The following ALOX5AP variants were observed in gnomAD, a reference collection of about 807,000 sequenced individuals.
ALOX5AP encodes arachidonate 5-lipoxygenase-activating protein.
In ALOX5AP, 9 loss-of-function variants were observed where a neutral mutation model predicts 18.5. The observed-to-expected ratio is 0.49, with a 90% CI of 0.29 to 0.85. ALOX5AP has a LOEUF of 0.85. Ranked by LOEUF, ALOX5AP falls within the 40% of genes least tolerant of loss-of-function variation. The pLI, the probability that ALOX5AP is intolerant of heterozygous loss-of-function variation, is 0.08. For missense variants in ALOX5AP, 172 were observed against 202.5 expected, an observed-to-expected ratio of 0.85 and a Z score of 0.91; for synonymous variants, 81 against 78.6, an observed-to-expected ratio of 1.03 and a Z score of -0.16.
chr13:30,736,754 T>C (rs1951725167), intron 1 of ALOX5AP, among the ~76,000 whole-genome samples: 1 of 152,236 alleles, frequency 6.6e-6, no homozygotes, highest in Admixed American at 6.5e-5. Flanking sequence ...AGAACTACAC[T>C]TTGTGGCTTT....
At chr13:30,762,047 A>G (rs992686143) in intron 4 of ALOX5AP, among the ~76,000 whole-genome samples, 1 of 152,198 alleles carries the variant, frequency 6.6e-6, no homozygotes, top group Admixed American at 6.5e-5. Flanking sequence ...GAAAACAGGG[A>G]GAGAATGAAG....
exon 1 of ALOX5AP, chr13:30,713,741 C>G: frequency 6.5e-7 from 1 of 1,533,614 alleles, no homozygotes; most frequent in South Asian, 1.2e-5. Context: ...CACATTTAAT[C>G]ACGATGCTCC....
At chr13:30,733,678 C>T (rs573508062), upstream of ALOX5AP, among the ~76,000 whole-genome samples, 36 of 152,284 alleles carry the variant, frequency 2.4e-4, no homozygotes, top group African/African-American at 6.5e-4. Flanking sequence ...CTGGAATCAG[C>T]GGACTAAGTA....
intron 4 of ALOX5AP, among the ~76,000 whole-genome samples, chr13:30,763,433 C>T (rs1951961258): frequency 6.6e-6 from 1 of 152,238 alleles, no homozygotes; most frequent in Non-Finnish European, 1.5e-5. Context: ...TGAATTATTC[C>T]AGTCAGCCTC....
At chr13:30,754,170 C>T (rs1341933580) in intron 3 of ALOX5AP, among the ~76,000 whole-genome samples, 2 of 152,128 alleles carry the variant, frequency 1.3e-5, no homozygotes, top group Non-Finnish European at 1.5e-5. Context: ...ACCTGGGAGG[C>T]GGAGGTTGCG....
At chr13:30,743,903 G>A (rs1951787322) in intron 1 of ALOX5AP, among the ~76,000 whole-genome samples, 157 bp from the exon 2 acceptor site, 1 of 152,194 alleles carries the variant, frequency 6.6e-6, no homozygotes, top group Non-Finnish European at 1.5e-5. Flanking sequence ...GAGAGCAGCT[G>A]CTGAGTACGT....
chr13:30,749,921 G>A (rs1348247834), intron 2 of ALOX5AP, among the ~76,000 whole-genome samples: 1 of 152,158 alleles, frequency 6.6e-6, no homozygotes. Flanking sequence ...CAAGTTCTCA[G>A]TGGTACCACT....
At chr13:30,720,856 A>G (rs535844552) in intron 1 of ALOX5AP, among the ~76,000 whole-genome samples, 11 of 152,188 alleles carry the variant, frequency 7.2e-5, no homozygotes, top group South Asian at 6.2e-4. Context: ...GCTCATCCCT[A>G]AGAGAATGGG....
chr13:30,756,872 C>A (rs1951900563), intron 4 of ALOX5AP, among the ~76,000 whole-genome samples: 1 of 147,650 alleles, frequency 6.8e-6, no homozygotes, highest in African/African-American at 2.5e-5. Flanking sequence ...AACTGACTAG[C>A]ATCACCATTG....
exon 1 of ALOX5AP, chr13:30,713,690 C>T: frequency 7.2e-7 from 1 of 1,398,140 alleles, no homozygotes; most frequent in Non-Finnish European, 9.8e-7. Context: ...ACTGACTTCA[C>T]TGTGAACCAG....
Position 30,735,546 on chromosome 13 carries a change from T to G in ALOX5AP, c.-60T>G. 6.2e-7 allele frequency: 1 copy of G among 1,609,112 alleles called. No individual in the cohort carries two copies. Among genetic ancestry groups the G allele is most frequent in the Non-Finnish European group, 8.5e-7 (1 of 1,177,606 alleles). Reference sequence around the variant, plus strand: ...TGCAAGCTCTCACTTCCCCTTCCTGTACAGGGCAGGTTGTGCAGCTGGAGG... The same window carrying G: ...TGCAAGCTCTCACTTCCCCTTCCTGGACAGGGCAGGTTGTGCAGCTGGAGG... On this transcript the variant is annotated 5_prime_UTR_variant, in exon 1 of 5. Transcript: ENST00000380490.
At chr13:30,734,314 C>CG (rs538146172), upstream of ALOX5AP, among the ~76,000 whole-genome samples, 766 of 152,184 alleles carry the variant, frequency 5.0e-3, 4 homozygotes, top group African/African-American at 0.018. Flanking sequence ...GGCATTGAAG[C>CG]GGGCCTCTGG....
chr13:30,730,825 C>T (rs1279676083), upstream of ALOX5AP, among the ~76,000 whole-genome samples: 1 of 152,090 alleles, frequency 6.6e-6, no homozygotes, highest in Admixed American at 6.6e-5. Context: ...TTGTTGCCCC[C>T]CTGAGTCACT....
intron 1 of ALOX5AP, among the ~76,000 whole-genome samples, chr13:30,739,591 C>T (rs781605901): frequency 1.1e-4 from 17 of 152,180 alleles, no homozygotes; most frequent in Non-Finnish European, 1.8e-4. Flanking sequence ...TGTGCCACCA[C>T]GCCCAGCTAA....
At chr13:30,749,247 C>A (rs1951833007) in intron 2 of ALOX5AP, among the ~76,000 whole-genome samples, 1 of 152,182 alleles carries the variant, frequency 6.6e-6, no homozygotes, top group African/African-American at 2.4e-5. Flanking sequence ...ATGAGCAAAT[C>A]CCTTAGACAA....
intron 1 of ALOX5AP, among the ~76,000 whole-genome samples, chr13:30,722,418 AT>A (rs201411242): frequency 2.0e-4 from 31 of 151,562 alleles, no homozygotes; most frequent in Admixed American, 9.2e-4. Flanking sequence ...TTGCTATTTT[AT>A]TTTTTTTTGT....
chr13:30,729,094 A>G (rs1398124976), intron 1 of ALOX5AP, among the ~76,000 whole-genome samples: 2 of 152,194 alleles, frequency 1.3e-5, no homozygotes, highest in African/African-American at 4.8e-5. Flanking sequence ...TTCTTTAGCA[A>G]AATATATGTT....
chr13:30,749,844 G>A (rs1181168962), intron 2 of ALOX5AP, among the ~76,000 whole-genome samples: 2 of 152,138 alleles, frequency 1.3e-5, no homozygotes, highest in African/African-American at 4.8e-5. Flanking sequence ...AGATTCCATT[G>A]GTGAGGCGCA....
chr13:30,739,593 C>G (rs17239095), intron 1 of ALOX5AP, among the ~76,000 whole-genome samples: 5,840 of 152,238 alleles, frequency 0.038, 362 homozygotes, highest in African/African-American at 0.13. Context: ...TGCCACCACG[C>G]CCAGCTAATT....
Sources: gnomAD v4.1 joint callset for allele counts (sites outside exome capture counted in the v4.1 genomes callset) on GRCh38, gnomAD v4.1.1 for gene constraint, MANE v1.5 for transcripts, NCBI Gene and HGNC (gene_info 2026-07-23, HGNC 2026-07-21) for gene names.